Variants in ZNF599 observed in about 807,000 individuals in gnomAD.
ZNF599 encodes the protein zinc finger protein 599.
A neutral mutation model predicts 11.7 loss-of-function variants in ZNF599; 10 were observed. The observed-to-expected ratio is 0.86, with a 90% CI of 0.53 to 1.45. The LOEUF is 1.45. Ranked by LOEUF, ZNF599 falls within the 40% of genes most tolerant of loss-of-function variation. ZNF599 has a pLI of 0.00. For missense variants in ZNF599, 688 were observed against 713.6 expected (o/e 0.96, Z 0.41); for synonymous variants, 232 against 253.2 (o/e 0.92, Z 0.79).
chr19:34,776,888 T>A (rs921636014), upstream of ZNF599, among the ~76,000 whole-genome samples: 1 of 152,082 alleles, frequency 6.6e-6, no homozygotes, highest in African/African-American at 2.4e-5. Context: ...ATGCAGAAAT[T>A]TCTGTGGAAG....
At chr19:34,783,969 A>G in the ZNF599 span, among the ~76,000 whole-genome samples, 1 of 152,182 alleles carries the variant, frequency 6.6e-6, no homozygotes, top group Non-Finnish European at 1.5e-5. Context: ...TGGCATGCAA[A>G]GAGTGCTTGG....
At chr19:34,780,879 G>A in the ZNF599 span, among the ~76,000 whole-genome samples, 5 of 152,030 alleles carry the variant, frequency 3.3e-5, no homozygotes, top group Non-Finnish European at 7.4e-5. Context: ...GGAAGGGGCC[G>A]GGTGCGGTGG....
chr19:34,777,338 TAA>T (rs2069221240), upstream of ZNF599, among the ~76,000 whole-genome samples: 2 of 46,228 alleles, frequency 4.3e-5, no homozygotes, highest in Admixed American at 3.2e-4. Flanking sequence ...TATTATATAT[TAA>T]TATATTATAT....
the ZNF599 span, among the ~76,000 whole-genome samples, chr19:34,786,416 C>T: frequency 6.6e-6 from 1 of 152,230 alleles, no homozygotes; most frequent in South Asian, 2.1e-4. Context: ...GCAAGAGTCC[C>T]GCTGAATCAA....
At chr19:34,794,883 C>A in the ZNF599 span, among the ~76,000 whole-genome samples, 1 of 152,114 alleles carries the variant, frequency 6.6e-6, no homozygotes, top group African/African-American at 2.4e-5. Context: ...CCTTCTTAAT[C>A]TTAAGGGGTT....
chr19:34,786,630 G>A, the ZNF599 span, among the ~76,000 whole-genome samples: 1 of 152,286 alleles, frequency 6.6e-6, no homozygotes, highest in African/African-American at 2.4e-5. Context: ...GTTGTGACCT[G>A]TATCTGTTTC....
At chr19:34,770,147 T>C (rs1215511355) in intron 1 of ZNF599, among the ~76,000 whole-genome samples, 1 of 152,232 alleles carries the variant, frequency 6.6e-6, no homozygotes, top group Non-Finnish European at 1.5e-5. Context: ...GTGCCCAGCA[T>C]GTGTTACAAT....
rs546851213 is a variant in ZNF599, at chr19:34,758,212, T to C, written c.*822A>G. 6.6e-6 allele frequency: 1 copy of C among 152,312 alleles called. No individual in the cohort carries two copies. The highest frequency in any genetic ancestry group is 2.1e-4 in the South Asian group (1 of 4,830). 9.4% of individuals were successfully genotyped at this position (152,312 alleles called of 1,614,324 possible). A position where few individuals can be genotyped will look rare whatever the true frequency, so the allele number is the denominator to read the frequency against. ...TGACTGGTTGATAAAAATGTTTGGATCAGAGGCTCACAGAAGCTAACGCTG... is the reference window on the plus strand; with the variant it reads ...TGACTGGTTGATAAAAATGTTTGGACCAGAGGCTCACAGAAGCTAACGCTG... On this transcript the variant is annotated 3_prime_UTR_variant, in exon 4 of 4. Transcript: ENST00000329285.
intron 1 of ZNF599, among the ~76,000 whole-genome samples, chr19:34,772,087 C>T (rs1405340290): frequency 6.6e-6 from 1 of 152,216 alleles, no homozygotes; most frequent in Non-Finnish European, 1.5e-5. Context: ...GTGTGACATG[C>T]TGGAGAGTAA....
chr19:34,772,972 G>A lies in ZNF599; in HGVS notation c.-131C>T. 1 of 1,150,732 alleles carries A rather than the reference G, an allele frequency of 8.7e-7. No individual in the cohort carries two copies. The highest frequency in any genetic ancestry group is 3.1e-5 in the East Asian group (1 of 32,292). 71.3% of individuals were successfully genotyped at this position (1,150,732 alleles called of 1,614,324 possible). ...CGCCGTCGTGTAAAATGCACACAAGGTTCGCGGCGCCGCCTCTGCGCGCCG... is the reference window on the plus strand; with the variant it reads ...CGCCGTCGTGTAAAATGCACACAAGATTCGCGGCGCCGCCTCTGCGCGCCG... On this transcript the variant is annotated 5_prime_UTR_variant, in exon 1 of 4. Coordinates refer to ENST00000329285, the MANE Select transcript of ZNF599 (RefSeq NM_001007248.3).
the ZNF599 span, among the ~76,000 whole-genome samples, chr19:34,792,095 T>A: frequency 6.6e-6 from 1 of 151,814 alleles, no homozygotes; most frequent in East Asian, 1.9e-4. Flanking sequence ...GAGCCAAGAG[T>A]CTATAGAGGG....
rs568430657 is a variant in ZNF599 at position 34,758,483 on chromosome 19, G to T, written c.*551C>A. The T allele has an allele frequency of 6.6e-6, 1 of 152,284 alleles. No individual in the cohort carries two copies. The highest frequency in any genetic ancestry group is 2.4e-5 in the African/African-American group (1 of 41,424). 9.4% of individuals were successfully genotyped at this position (152,284 alleles called of 1,614,324 possible). A position where few individuals can be genotyped will look rare whatever the true frequency, so the allele number is the denominator to read the frequency against. ...AAATGTTGGCAGAGCTGCCCTCAAT[G>T]GTCCAACTCTCCTGGCTCTGGACTT... On this transcript the variant is annotated 3_prime_UTR_variant, in exon 4 of 4. Transcript: ENST00000329285.
intron 2 of ZNF599, 44 bp from the exon 3 acceptor site, chr19:34,767,455 C>A (rs775172061): frequency 3.9e-6 from 6 of 1,524,982 alleles, no homozygotes; most frequent in Non-Finnish European, 5.4e-6. Flanking sequence ...CAGGGAAAGA[C>A]AAAAAGAAAA....
At position 34,773,095 on chromosome 19, in the gene ZNF599, A is replaced by G. The variant is rs1037699725; in HGVS notation, c.-254T>C. 13 of 485,894 alleles carry G rather than the reference A, an allele frequency of 2.7e-5. No individual in the cohort carries two copies. The highest frequency in any genetic ancestry group is 1.4e-4 in the South Asian group (4 of 28,984). The allele number at this position is 485,894 out of a possible 1,614,324, so 30.1% of individuals were successfully genotyped here. On this transcript the variant is annotated 5_prime_UTR_variant, in exon 1 of 4. Transcript: ENST00000329285. The stretch of plus-strand genomic sequence containing the variant: ...ACATAAAAGCGTGTAAGTGGGTCCT[A>G]TCCTCCTCACTGTCCGTCTCTACTC...
At position 34,769,308 on chromosome 19, in the gene ZNF599, G is replaced by A. The variant is rs543106894; in HGVS notation, c.145+121C>T. The A allele has an allele frequency of 1.7e-5, 23 of 1,356,720 alleles. No homozygotes were observed. In the South Asian group the frequency reaches 2.5e-4, roughly 15 times the overall value. The allele number at this position is 1,356,720 out of a possible 1,614,324, so 84.0% of individuals were successfully genotyped here. On this transcript the variant is annotated intron_variant, in intron 2 of 3. Coordinates refer to ENST00000329285, the MANE Select transcript of ZNF599 (RefSeq NM_001007248.3). ...CAGCAAGAGGAGGTCAGACCACAAC[G>A]TGCTGAGGCTGCAGGGATCAGGGAA...
chr19:34,778,811 T>C, the ZNF599 span, among the ~76,000 whole-genome samples: 1 of 152,214 alleles, frequency 6.6e-6, no homozygotes, highest in Non-Finnish European at 1.5e-5. Flanking sequence ...GTTGTTTCAT[T>C]GTACTCTTGT....
chr19:34,799,871 T>C, the ZNF599 span, among the ~76,000 whole-genome samples: 3 of 152,238 alleles, frequency 2.0e-5, no homozygotes, highest in African/African-American at 7.2e-5. Flanking sequence ...ATTCAGTTGG[T>C]AACAATGGCT....
At chr19:34,781,809 G>T in the ZNF599 span, among the ~76,000 whole-genome samples, 137 of 152,288 alleles carry the variant, frequency 9.0e-4, no homozygotes, top group East Asian at 0.017. Flanking sequence ...CTGGTGTTCA[G>T]GGACTATTAA....
chr19:34,794,481 G>A, the ZNF599 span, among the ~76,000 whole-genome samples: 1 of 152,106 alleles, frequency 6.6e-6, no homozygotes, highest in South Asian at 2.1e-4. Context: ...TTGATCAGCG[G>A]GGCCTTGTGA....
Sources: gnomAD v4.1 joint callset for allele counts (sites outside exome capture counted in the v4.1 genomes callset) on GRCh38, gnomAD v4.1.1 for gene constraint, MANE v1.5 for transcripts, NCBI Gene and HGNC (gene_info 2026-07-23, HGNC 2026-07-21) for gene names.